DCP1A: variants seen among roughly 807,000 people sequenced by gnomAD.
DCP1A encodes the protein decapping mRNA 1A, also known as mRNA-decapping enzyme 1A.
DCP1A carries 20 observed loss-of-function variants against 58.0 expected under a neutral mutation model. That is an observed-to-expected ratio of 0.34 (90% CI 0.24 to 0.50). The LOEUF (loss-of-function observed/expected upper bound fraction) is 0.50, where lower values mean the gene tolerates loss of function less well. DCP1A is among the 20% of genes least tolerant of loss of function. DCP1A has a pLI of 0.98. For synonymous variants in DCP1A, 285 were observed against 275.1 expected, an observed-to-expected ratio of 1.04 and a Z score of -0.36; for missense variants, 613 against 712.2, an observed-to-expected ratio of 0.86 and a Z score of 1.59.
At chr3:53,295,076 G>A (rs1277568475) in intron 6 of DCP1A, among the ~76,000 whole-genome samples, 2 of 152,180 alleles carry the variant, frequency 1.3e-5, no homozygotes, top group African/African-American at 4.8e-5. Flanking sequence ...GTCAGGAGGG[G>A]CTCCTGTCAG....
chr3:53,299,435 G>C (rs1707241080), intron 6 of DCP1A, among the ~76,000 whole-genome samples: 1 of 152,172 alleles, frequency 6.6e-6, no homozygotes, highest in Non-Finnish European at 1.5e-5. Flanking sequence ...GCGAGCAACA[G>C]CATGTACAGC....
intron 5 of DCP1A, among the ~76,000 whole-genome samples, chr3:53,308,980 C>T (rs1261873292): frequency 6.6e-6 from 1 of 152,046 alleles, no homozygotes. Flanking sequence ...AACAACCATC[C>T]GCACCCCCCT....
chr3:53,322,000 A>G (rs185365109), intron 3 of DCP1A, among the ~76,000 whole-genome samples: 1 of 152,198 alleles, frequency 6.6e-6, no homozygotes, highest in Non-Finnish European at 1.5e-5. Context: ...TAAATCAAAA[A>G]ATCATTTTTA....
At chr3:53,335,831 T>A (rs1447998406) in intron 3 of DCP1A, among the ~76,000 whole-genome samples, 1 of 152,180 alleles carries the variant, frequency 6.6e-6, no homozygotes, top group Non-Finnish European at 1.5e-5. Context: ...TTCTTTTTTA[T>A]TCTTTTATTT....
chr3:53,292,835 A>G lies in DCP1A; in HGVS notation c.625-8T>C, dbSNP rs782784741. 8 of 1,594,328 alleles carry G rather than the reference A, an allele frequency of 5.0e-6. No individual in the cohort carries two copies. On this transcript the variant is annotated splice_region_variant and splice_polypyrimidine_tract_variant and intron_variant, in intron 6 of 9. Coordinates refer to ENST00000610213, the MANE Select transcript of DCP1A (RefSeq NM_018403.7). ...GTGTCCAGATGGAGCAGACTGAAAA[A>G]CAAATGAAACCACCCAGTCAAAGAG...
chr3:53,313,329 G>A (rs1707704090), intron 4 of DCP1A, among the ~76,000 whole-genome samples: 1 of 151,976 alleles, frequency 6.6e-6, no homozygotes, highest in African/African-American at 2.4e-5. Flanking sequence ...TGAGGTGGGA[G>A]GACTGCTTGA....
rs377530427 is a variant in DCP1A at position 53,292,513 on chromosome 3, C to T, written c.939G>A (p.Pro313=). ...GAGTGGGACTGAGAACAGGGCTCAA[C>T]GGGATTGTGTAGGTTGGAGCATGCT... ...NEKHAPTYTI[P]LSPVLSPTLP... Residue 313 remains proline (P), a synonymous_variant, in exon 7 of 10, where the codon CCG becomes CCA. Coordinates refer to ENST00000610213, the MANE Select transcript of DCP1A (RefSeq NM_018403.7). 2.2e-5 allele frequency: 36 copies of T among 1,613,778 alleles called. No individual in the cohort carries two copies. The highest frequency in any genetic ancestry group is 2.0e-4 in the South Asian group (18 of 91,078).
intron 2 of DCP1A, among the ~76,000 whole-genome samples, chr3:53,343,232 G>A (rs1161127361): frequency 6.6e-6 from 1 of 152,188 alleles, no homozygotes; most frequent in Non-Finnish European, 1.5e-5. Context: ...ATATAACTAG[G>A]ATTCAGTTTC....
At chr3:53,346,380 T>C (rs2089291976) in intron 1 of DCP1A, among the ~76,000 whole-genome samples, 1 of 152,196 alleles carries the variant, frequency 6.6e-6, no homozygotes, top group Non-Finnish European at 1.5e-5. Flanking sequence ...TGCAACTGTA[T>C]TATAGGGTAA....
chr3:53,303,515 C>T (rs947308946), intron 6 of DCP1A, among the ~76,000 whole-genome samples: 6 of 152,204 alleles, frequency 3.9e-5, no homozygotes, highest in African/African-American at 1.4e-4. Context: ...ATCTGCCTGC[C>T]TCAACCTTCC....
At chr3:53,346,239 T>C (rs1451034601) in intron 1 of DCP1A, among the ~76,000 whole-genome samples, 1 of 152,238 alleles carries the variant, frequency 6.6e-6, no homozygotes, top group Non-Finnish European at 1.5e-5. Flanking sequence ...ATTTTATTCC[T>C]TGTGGCTTCC....
In DCP1A at chr3:53,287,045, C is replaced by T. The variant is rs2106781270; in HGVS notation, c.*535G>A. 6.6e-6 allele frequency: 1 copy of T among 152,376 alleles called. No individual in the cohort carries two copies. The highest frequency in any genetic ancestry group is 3.4e-3 in the Middle Eastern group (1 of 294). The allele number at this position is 152,376 out of a possible 1,614,324, so 9.4% of individuals were successfully genotyped here. On this transcript the variant is annotated 3_prime_UTR_variant, in exon 10 of 10. Coordinates refer to ENST00000610213, the MANE Select transcript of DCP1A (RefSeq NM_018403.7). ...TGGGGCATTCATATAAAATATACTT[C>T]ACTTGAGGAAATAATTCCTAATTTG...
intron 5 of DCP1A, among the ~76,000 whole-genome samples, chr3:53,311,424 C>T (rs561189736): frequency 9.2e-5 from 14 of 152,126 alleles, no homozygotes; most frequent in Non-Finnish European, 1.9e-4. Context: ...ATGAAATGCC[C>T]ACTGCTTGCA....
intron 3 of DCP1A, among the ~76,000 whole-genome samples, chr3:53,333,407 G>A (rs1553691554): frequency 6.6e-6 from 1 of 152,020 alleles, no homozygotes; most frequent in Admixed American, 6.6e-5. Flanking sequence ...GCCTCCCAAA[G>A]TACTGGGATT....
chr3:53,287,510 A>G lies in DCP1A; in HGVS notation c.*70T>C. On this transcript the variant is annotated 3_prime_UTR_variant, in exon 10 of 10. Transcript: ENST00000610213. ...GATTCTCAAACTCAATGTTCTGCTC[A>G]GAAGTTTCCATGATGAAGCCTATTT... The G allele has an allele frequency of 9.6e-7, 1 of 1,040,016 alleles. No homozygotes were observed. Among genetic ancestry groups the G allele is most frequent in the Non-Finnish European group, 1.5e-6 (1 of 663,650 alleles). The allele number at this position is 1,040,016 out of a possible 1,614,324, so 64.4% of individuals were successfully genotyped here.
intron 3 of DCP1A, among the ~76,000 whole-genome samples, chr3:53,332,790 G>A (rs1483162447): frequency 5.9e-5 from 9 of 151,860 alleles, no homozygotes; most frequent in African/African-American, 9.7e-5. Flanking sequence ...GCGTGAACCC[G>A]GGTCGTGGAG....
At chr3:53,322,408 G>A (rs1165269786) in intron 3 of DCP1A, among the ~76,000 whole-genome samples, 7 of 150,268 alleles carry the variant, frequency 4.7e-5, no homozygotes, top group African/African-American at 1.2e-4. Flanking sequence ...CCGAGATCAC[G>A]CCACTGCACT....
chr3:53,292,518 T>C lies in DCP1A; in HGVS notation c.934A>G (p.Ile312Val). 5.6e-6 allele frequency: 9 copies of C among 1,613,862 alleles called. No individual in the cohort carries two copies. The highest frequency in any genetic ancestry group is 7.6e-6 in the Non-Finnish European group (9 of 1,179,870). The change falls in exon 7 of 10, where the codon ATC becomes GTC. Residue 312 changes from isoleucine (I) to valine (V), a missense_variant. Around this residue, in one of 3 missense-constraint regions of DCP1A, gnomAD observed 498 missense variants for 556.7 expected, o/e 0.89. Transcript: ENST00000610213. ...SNEKHAPTYT[I>V]PLSPVLSPTL... ...GGACTGAGAACAGGGCTCAACGGGA[T>C]TGTGTAGGTTGGAGCATGCTTTTCA... is the stretch of plus-strand genomic sequence containing the variant.
chr3:53,290,749 TAAAAAAAAAAAAAAAAA>T, intron 8 of DCP1A, 25 bp downstream of exon 8: 4 of 681,424 alleles, frequency 5.9e-6, no homozygotes, highest in Admixed American at 4.7e-5. Flanking sequence ...CGACTAGTCT[TAAAAAAAAAAAAAAAAA>T]AAAAAAAAAA....
Sources: allele counts gnomAD v4.1 joint callset (sites outside exome capture counted in the v4.1 genomes callset), GRCh38; gene constraint gnomAD v4.1.1; regional missense constraint gnomAD v4.1.1; transcripts MANE v1.5; gene names NCBI Gene and HGNC (gene_info 2026-07-23, HGNC 2026-07-21).